Variants in GASK1A observed in about 807,000 individuals in gnomAD.
GASK1A encodes the protein Golgi-associated kinase 1A.
GASK1A carries 40 observed loss-of-function variants against 41.2 expected under a neutral mutation model. That is an observed-to-expected ratio of 0.97 (90% CI 0.75 to 1.27). The LOEUF (loss-of-function observed/expected upper bound fraction) is 1.27. Among genes scored for constraint, GASK1A ranks in the 50% most tolerant of loss-of-function variants. GASK1A has a pLI of 0.00. For missense variants in GASK1A, 678 were observed against 745.1 expected (o/e 0.91, Z 1.05); for synonymous variants, 316 against 307.1 (o/e 1.03, Z -0.30).
At chr3:42,988,713 C>T (rs1000023640) in intron 1 of GASK1A, among the ~76,000 whole-genome samples, 5 of 152,236 alleles carry the variant, frequency 3.3e-5, no homozygotes, top group African/African-American at 4.8e-5. Context: ...TGGGTTTCGT[C>T]AGTGTTGTTG....
At chr3:43,021,186 T>C (rs2089520879) in intron 1 of GASK1A, among the ~76,000 whole-genome samples, 1 of 152,148 alleles carries the variant, frequency 6.6e-6, no homozygotes, top group African/African-American at 2.4e-5. Context: ...CTTCCCACAA[T>C]TGCTAGGCAG....
In GASK1A at chr3:43,057,613, GT is replaced by G. The variant is rs1007486140; in HGVS notation, c.*1230del. ...CTGCATTGTCTTTTTGTTTTAAGATGTTTGCCCTTTGCTTGTTAATTTGTTG... is the reference window on the plus strand; with the variant it reads ...CTGCATTGTCTTTTTGTTTTAAGATGTTGCCCTTTGCTTGTTAATTTGTTG... On this transcript the variant is annotated 3_prime_UTR_variant, in exon 5 of 5. Coordinates refer to ENST00000430121, the MANE Select transcript of GASK1A (RefSeq NM_001129908.3). The G allele has an allele frequency of 6.6e-6, 1 of 152,040 alleles. No individual in the cohort carries two copies. The highest frequency in any genetic ancestry group is 2.4e-5 in the African/African-American group (1 of 41,382). The allele number at this position is 152,040 out of a possible 1,614,324, so 9.4% of individuals were successfully genotyped here. A position where few individuals can be genotyped will look rare whatever the true frequency, so the allele number is the denominator to read the frequency against.
rs73072303 is a variant in GASK1A, at chr3:43,008,403, G to A, written c.4-23864G>A. On this transcript the variant is annotated intron_variant, in intron 1 of 4. Transcript: ENST00000430121. ...GCCTCCTTCCTAGTCCTCTGAAGCC[G>A]GAGGTCACCTGGCTGGAAGGAGCTC... 3.8e-3 allele frequency among the ~76,000 whole-genome samples: 575 copies of A among 152,314 alleles called. 1 individual carries two copies. The highest frequency in any genetic ancestry group is 5.2e-3 in the Non-Finnish European group (352 of 68,006).
At chr3:43,017,420 TAGGAAGGGGCTGTGTGAAGTCAC>T (rs1350823997) in intron 1 of GASK1A, among the ~76,000 whole-genome samples, 4 of 103,452 alleles carry the variant, frequency 3.9e-5, no homozygotes, top group Non-Finnish European at 7.7e-5. Context: ...TGTGAAGTCA[TAGGAAGGGGCTGTGTGAAGTCAC>T]AAGAAAGGGC....
intron 1 of GASK1A, among the ~76,000 whole-genome samples, chr3:43,007,884 C>G (rs1293751911): frequency 6.6e-6 from 1 of 152,214 alleles, no homozygotes; most frequent in Non-Finnish European, 1.5e-5. Context: ...GACAGCCCAG[C>G]TCAATTTACC....
In GASK1A at chr3:42,995,833, C is replaced by A. The variant is rs192317251; in HGVS notation, c.3+16188C>A. Reference sequence around the variant, plus strand: ...AAGGTATAGCCCAGAAAGAAACTTACTTTATTTTTCAGCAGCAATCCCCAC... The same window carrying A: ...AAGGTATAGCCCAGAAAGAAACTTAATTTATTTTTCAGCAGCAATCCCCAC... On this transcript the variant is annotated intron_variant, in intron 1 of 4. Transcript: ENST00000430121. Among the ~76,000 whole-genome samples the A allele has an allele frequency of 2.0e-5, 3 of 152,336 alleles. No homozygotes were observed. The East Asian group carries it at 5.8e-4, about 29-fold the overall frequency.
chr3:43,012,713 G>A (rs113598414), intron 1 of GASK1A, among the ~76,000 whole-genome samples: 69 of 135,646 alleles, frequency 5.1e-4, no homozygotes, highest in African/African-American at 1.8e-3. Flanking sequence ...AAGGAGCTGT[G>A]TGAAGTCACA....
intron 1 of GASK1A, among the ~76,000 whole-genome samples, chr3:43,002,713 A>G (rs1219289256): frequency 1.3e-5 from 2 of 152,192 alleles, no homozygotes; most frequent in African/African-American, 2.4e-5. Context: ...TATTTTTTAT[A>G]TATCAGGTTA....
chr3:42,988,486 G>T (rs568730402), intron 1 of GASK1A, among the ~76,000 whole-genome samples: 1 of 152,194 alleles, frequency 6.6e-6, no homozygotes, highest in East Asian at 1.9e-4. Context: ...GAGGGGATAA[G>T]ATTAGAAGAG....
At chr3:43,014,277 A>C (rs1360574880) in intron 1 of GASK1A, among the ~76,000 whole-genome samples, 2 of 148,242 alleles carry the variant, frequency 1.3e-5, no homozygotes, top group Non-Finnish European at 3.0e-5. Context: ...CACGGGAAGA[A>C]GGAGTGTGAA....
chr3:42,998,032 T>C (rs994041336), intron 1 of GASK1A, among the ~76,000 whole-genome samples: 1 of 152,028 alleles, frequency 6.6e-6, no homozygotes, highest in African/African-American at 2.4e-5. Context: ...CTGCCATAGG[T>C]TGAGGGCTGC....
chr3:43,008,943 G>A (rs1019657743), intron 1 of GASK1A, among the ~76,000 whole-genome samples: 4 of 152,200 alleles, frequency 2.6e-5, no homozygotes, highest in African/African-American at 9.7e-5. Flanking sequence ...GTAACTTAAA[G>A]GAGGTGCTGG....
intron 1 of GASK1A, among the ~76,000 whole-genome samples, chr3:42,981,354 G>A (rs1372509192): frequency 6.6e-6 from 1 of 152,210 alleles, no homozygotes; most frequent in African/African-American, 2.4e-5. Flanking sequence ...CTGGCTAGAA[G>A]CAGCATGGGA....
At chr3:43,013,898 G>T (rs1195333784) in intron 1 of GASK1A, among the ~76,000 whole-genome samples, 1 of 151,776 alleles carries the variant, frequency 6.6e-6, no homozygotes, top group Non-Finnish European at 1.5e-5. Flanking sequence ...GCAGTGGGAA[G>T]TCACAAGAAG....
chr3:43,054,419 A>G (rs370750042), intron 3 of GASK1A: 1 of 152,410 alleles, frequency 6.6e-6, no homozygotes, highest in African/African-American at 2.4e-5. Context: ...GGAGAGACAA[A>G]GTTTTAATAG....
intron 1 of GASK1A, among the ~76,000 whole-genome samples, chr3:42,987,443 A>G (rs2089317816): frequency 6.6e-6 from 1 of 152,252 alleles, no homozygotes; most frequent in Non-Finnish European, 1.5e-5. Context: ...CAAAAAGGAA[A>G]AAAAGGAGAA....
At position 42,984,661 on chromosome 3, in the gene GASK1A, G is replaced by A. The variant is rs961025098; in HGVS notation, c.3+5016G>A. 6.6e-6 allele frequency among the ~76,000 whole-genome samples: 1 copy of A among 152,194 alleles called. No homozygotes were observed. The highest frequency in any genetic ancestry group is 1.5e-5 in the Non-Finnish European group (1 of 68,030). On this transcript the variant is annotated intron_variant, in intron 1 of 4. Coordinates refer to ENST00000430121, the MANE Select transcript of GASK1A (RefSeq NM_001129908.3). This position sits in a 1 kb window ranked among gnomAD's most constrained non-coding sequence, Gnocchi z 4.2. ...GTAGAGTCCAATTAACAAGAGCAAG[G>A]TCTAGTATAAAGAAAGTGACTTTAT...
intron 4 of GASK1A, 136 bp downstream of exon 4, chr3:43,055,671 G>T: frequency 1.5e-6 from 1 of 669,294 alleles, no homozygotes. Flanking sequence ...AGAACTTTAG[G>T]CGGTGGTGGG....
chr3:43,055,494 T>C lies in GASK1A; in HGVS notation c.1476T>C (p.Pro492=). 6.4e-7 allele frequency: 1 copy of C among 1,551,998 alleles called. No individual in the cohort carries two copies. The highest frequency in any genetic ancestry group is 8.7e-7 in the Non-Finnish European group (1 of 1,147,026). ...YIDNAGNLQH[P]EDKLNFRLLE... ...ATAACGCTGGCAACCTTCAGCACCC[T>C]GAGGACAAGCTGAACTTTCGGCTGC... The change falls in exon 4 of 5, where the codon CCT becomes CCC. Residue 492 remains proline, a synonymous_variant. Coordinates refer to ENST00000430121, the MANE Select transcript of GASK1A (RefSeq NM_001129908.3).
Sources: gnomAD v4.1 joint callset for allele counts (sites outside exome capture counted in the v4.1 genomes callset) on GRCh38, gnomAD v4.1.1 for gene constraint, Gnocchi (gnomAD v3.1) non-coding constraint, MANE v1.5 for transcripts, NCBI Gene and HGNC (gene_info 2026-07-23, HGNC 2026-07-21) for gene names.